The following TBC1D4 variants were observed in gnomAD, a reference collection of about 807,000 sequenced individuals.
TBC1D4 encodes TBC (Tre-2, BUB2, CDC16) domain-containing protein.
A neutral mutation model predicts 142.5 loss-of-function variants in TBC1D4; 121 were observed. That is an observed-to-expected ratio of 0.85 (90% CI 0.73 to 0.99). The LOEUF is 0.99. Ranked by LOEUF, TBC1D4 falls within the 50% of genes least tolerant of loss-of-function variation. TBC1D4 has a pLI of 0.00. For synonymous variants in TBC1D4, 630 were observed against 628.2 expected (o/e 1.00, Z -0.04); for missense variants, 1,475 against 1,606.6 (o/e 0.92, Z 1.40).
chr13:75,471,800 A>G (rs1304869495), intron 1 of TBC1D4, among the ~76,000 whole-genome samples: 3 of 151,544 alleles, frequency 2.0e-5, no homozygotes, highest in Non-Finnish European at 4.4e-5. Context: ...TACCTGCCTC[A>G]AATTAGATAA....
At chr13:75,478,289 C>T (rs1027268188) in intron 1 of TBC1D4, among the ~76,000 whole-genome samples, 2 of 152,196 alleles carry the variant, frequency 1.3e-5, no homozygotes, top group African/African-American at 4.8e-5. Flanking sequence ...AGGTTTATTA[C>T]TCACAGTGCT....
chr13:75,412,102 AAGAG>A (rs1389155111), intron 1 of TBC1D4, among the ~76,000 whole-genome samples: 1 of 152,184 alleles, frequency 6.6e-6, no homozygotes. Context: ...TATAATGAAT[AAGAG>A]AGCTTGAAAT....
At chr13:75,403,563 A>G (rs981361788) in intron 1 of TBC1D4, among the ~76,000 whole-genome samples, 1 of 152,238 alleles carries the variant, frequency 6.6e-6, no homozygotes, top group Non-Finnish European at 1.5e-5. Flanking sequence ...TGCTGCTCCA[A>G]AATAAAGCAA....
At chr13:75,385,682 C>T (rs182838998) in intron 1 of TBC1D4, among the ~76,000 whole-genome samples, 5 of 152,328 alleles carry the variant, frequency 3.3e-5, no homozygotes, top group Non-Finnish European at 7.3e-5. Flanking sequence ...GGAGCACTTA[C>T]GTGCTGGGCA....
chr13:75,314,610 ACT>A (rs1441730262), intron 12 of TBC1D4, among the ~76,000 whole-genome samples: 1 of 152,124 alleles, frequency 6.6e-6, no homozygotes, highest in Non-Finnish European at 1.5e-5. Flanking sequence ...ATATAGTCAA[ACT>A]CTGGTTATTA....
At position 75,335,580 on chromosome 13, in the gene TBC1D4, A is replaced by G. The variant is rs1224558617; in HGVS notation, c.1731+1341T>C. On this transcript the variant is annotated intron_variant, in intron 8 of 20. Transcript: ENST00000377636. Reference sequence around the variant, plus strand: ...CAATGTTGGAGGTCGGCCTGGTGGGAGGTGACCGGATCACAGGGATGGATT... The same window carrying G: ...CAATGTTGGAGGTCGGCCTGGTGGGGGGTGACCGGATCACAGGGATGGATT... Among the ~76,000 whole-genome samples, 7 of 152,230 alleles carry G rather than the reference A, an allele frequency of 4.6e-5. No homozygotes were observed. The East Asian group carries it at 1.4e-3, about 29-fold the overall frequency.
chr13:75,343,565 T>C (rs1880896067), intron 5 of TBC1D4, among the ~76,000 whole-genome samples: 1 of 151,946 alleles, frequency 6.6e-6, no homozygotes, highest in Non-Finnish European at 1.5e-5. Context: ...TTGCCCGGGC[T>C]GGAGTGCAAT....
chr13:75,443,074 T>C (rs542749412), intron 1 of TBC1D4, among the ~76,000 whole-genome samples: 35 of 152,354 alleles, frequency 2.3e-4, no homozygotes, highest in Admixed American at 2.1e-3. Context: ...TCGTAGCTCC[T>C]CTGGGCTTAG....
chr13:75,373,870 C>T (rs1883352308), intron 1 of TBC1D4, among the ~76,000 whole-genome samples: 1 of 152,162 alleles, frequency 6.6e-6, no homozygotes, highest in Non-Finnish European at 1.5e-5. Context: ...CTCCCCTTCT[C>T]TTGCATGGGC....
intron 1 of TBC1D4, among the ~76,000 whole-genome samples, chr13:75,430,595 C>T (rs773066585): frequency 3.3e-5 from 5 of 152,170 alleles, no homozygotes; most frequent in Non-Finnish European, 5.9e-5. Context: ...AGCGTCGTTG[C>T]TATACATCAG....
Position 75,283,850 on chromosome 13 carries a change from A to G in TBC1D4, c.*2942T>C, listed in dbSNP as rs1157772798. ...ATTAGGAAGAATTATTTGTGTAGCA[A>G]TTTTAAGTAGGTACAATCCAAACCA... On this transcript the variant is annotated 3_prime_UTR_variant, in exon 21 of 21. Coordinates refer to ENST00000377636, the MANE Select transcript of TBC1D4 (RefSeq NM_014832.5). Among the ~76,000 whole-genome samples the G allele has an allele frequency of 6.6e-6, 1 of 152,144 alleles. No individual in the cohort carries two copies. Among genetic ancestry groups the G allele is most frequent in the Non-Finnish European group, 1.5e-5 (1 of 68,030 alleles).
chr13:75,286,916 T>A lies in TBC1D4; in HGVS notation c.3773A>T (p.Tyr1258Phe). Reference protein sequence around the residue: ...IRTLEQEKMAYQKTVEQLRKL... With the variant: ...IRTLEQEKMAFQKTVEQLRKL... ...CCGGAGTTGCTCCACTGTCTTTTGA[T>A]AAGCCATTTTTTCTTGTTCCAGGGT... The change falls in exon 21 of 21, where the codon TAT (tyrosine) becomes TTT (phenylalanine). Residue 1258 changes from tyrosine (Y) to phenylalanine (F), a missense_variant. Physicochemically the swap from Tyr to Phe is conservative, Grantham distance 22. This residue lies in a region of TBC1D4 where 248 missense variants were observed against 338.9 expected (regional missense o/e 0.73). Coordinates refer to ENST00000377636, the MANE Select transcript of TBC1D4 (RefSeq NM_014832.5). 1 of 1,614,040 alleles carries A rather than the reference T, an allele frequency of 6.2e-7. No homozygotes were observed. Among genetic ancestry groups the A allele is most frequent in the Non-Finnish European group, 8.5e-7 (1 of 1,179,982 alleles).
chr13:75,385,977 A>T (rs1031225986), intron 1 of TBC1D4, among the ~76,000 whole-genome samples: 2 of 152,190 alleles, frequency 1.3e-5, no homozygotes, highest in Non-Finnish European at 2.9e-5. Flanking sequence ...AACAGTGTGC[A>T]CCCTAAAGCC....
intron 12 of TBC1D4, among the ~76,000 whole-genome samples, chr13:75,314,085 G>T (rs1465900355): frequency 6.6e-6 from 1 of 152,096 alleles, no homozygotes; most frequent in Non-Finnish European, 1.5e-5. Flanking sequence ...AGTTATGCTA[G>T]GCCTATCTGC....
At chr13:75,302,077 A>G (rs192696264) in intron 16 of TBC1D4, among the ~76,000 whole-genome samples, 166 bp downstream of exon 16, 41 of 152,328 alleles carry the variant, frequency 2.7e-4, no homozygotes, top group African/African-American at 8.7e-4. Flanking sequence ...TGGGATCGTC[A>G]ATCAGGTATA....
At chr13:75,434,741 A>G (rs1593881649) in intron 1 of TBC1D4, among the ~76,000 whole-genome samples, 1 of 152,154 alleles carries the variant, frequency 6.6e-6, no homozygotes, top group South Asian at 2.1e-4. Flanking sequence ...TAAAAAGAAT[A>G]TAAGTTGCAT....
intron 1 of TBC1D4, among the ~76,000 whole-genome samples, chr13:75,413,116 A>G (rs1283483332): frequency 6.6e-6 from 1 of 152,196 alleles, no homozygotes; most frequent in Admixed American, 6.5e-5. Context: ...AAGGGGAGGA[A>G]GATCACAGAA....
At chr13:75,342,871 G>A (rs988105764) in intron 5 of TBC1D4, among the ~76,000 whole-genome samples, 13 of 151,724 alleles carry the variant, frequency 8.6e-5, no homozygotes, top group African/African-American at 2.4e-4. Context: ...CTTATAGGTA[G>A]GCTGGCATTT....
intron 17 of TBC1D4, among the ~76,000 whole-genome samples, chr13:75,297,751 C>T (rs1354104645): frequency 2.7e-5 from 4 of 146,536 alleles, no homozygotes; most frequent in African/African-American, 5.1e-5. Flanking sequence ...AGCAAGACTC[C>T]GTCTCCAAAA....
Sources: allele counts gnomAD v4.1 joint callset (sites outside exome capture counted in the v4.1 genomes callset), GRCh38; gene constraint gnomAD v4.1.1; regional missense constraint gnomAD v4.1.1; transcripts MANE v1.5; gene names NCBI Gene and HGNC (gene_info 2026-07-23, HGNC 2026-07-21).